DMXL1: variants seen among roughly 807,000 people sequenced by gnomAD.
The protein encoded by DMXL1 is Dmx like 1.
A neutral mutation model predicts 319.2 loss-of-function variants in DMXL1; 99 were observed. The ratio of observed to expected loss-of-function variants is 0.31; its 90% CI spans 0.26 to 0.37. The LOEUF is 0.37. DMXL1 is among the 10% of genes least tolerant of loss of function. The probability of loss-of-function intolerance (pLI) is 1.00; values close to 1 mark genes in which losing one functional copy is unlikely to be tolerated. For synonymous variants in DMXL1, 1,385 were observed against 1,235.2 expected (o/e 1.12, Z -2.54); for missense variants, 3,745 against 3,595.6 (o/e 1.04, Z -1.06).
chr5:119,112,344 G>T (rs923435048), intron 5 of DMXL1, among the ~76,000 whole-genome samples: 7 of 152,230 alleles, frequency 4.6e-5, no homozygotes, highest in African/African-American at 1.4e-4. Flanking sequence ...AGATTGCCAG[G>T]TTTCATTCCT....
intron 35 of DMXL1, among the ~76,000 whole-genome samples, chr5:119,218,134 T>C (rs79755762): frequency 0.11 from 16,762 of 152,040 alleles, 1,205 homozygotes; most frequent in Middle Eastern, 0.23. Flanking sequence ...CCCAACACTT[T>C]GGGAGGCCAA....
chr5:119,219,512 T>C (rs1317744733), intron 35 of DMXL1, among the ~76,000 whole-genome samples: 3 of 152,296 alleles, frequency 2.0e-5, no homozygotes, highest in African/African-American at 7.2e-5. Flanking sequence ...ATTTTCTCTT[T>C]GCTGTCAATA....
At chr5:119,190,086 G>T (rs1778440249) in intron 29 of DMXL1, among the ~76,000 whole-genome samples, 200 bp downstream of exon 29, 1 of 151,914 alleles carries the variant, frequency 6.6e-6, no homozygotes, top group Admixed American at 6.6e-5. Flanking sequence ...GCAGTTTTTT[G>T]GTAAATTATG....
rs201657657 is a variant in DMXL1, at chr5:119,209,366, T to A, written c.7926+2470T>A. Among the ~76,000 whole-genome samples, 686 of 149,508 alleles carry A rather than the reference T, an allele frequency of 4.6e-3. 36 individuals carry two copies. In the East Asian group the frequency reaches 0.098, roughly 21 times the overall value. On this transcript the variant is annotated intron_variant, in intron 34 of 43. Transcript: ENST00000539542. ...CCATTCTATTTTTTTTTTTTTTTTTTAAAAGGCAGGGTCTCACTGTGTCTC... is the reference window on the plus strand; with the variant it reads ...CCATTCTATTTTTTTTTTTTTTTTTAAAAAGGCAGGGTCTCACTGTGTCTC...
intron 1 of DMXL1, among the ~76,000 whole-genome samples, chr5:119,089,292 A>ATATAT (rs1193170456): frequency 2.0e-4 from 8 of 39,882 alleles, no homozygotes; most frequent in Admixed American, 4.7e-4. Context: ...ATATATATAT[A>ATATAT]TTTTTTTTTT....
intron 1 of DMXL1, among the ~76,000 whole-genome samples, chr5:119,076,021 T>C (rs916076819): frequency 6.6e-6 from 1 of 152,214 alleles, no homozygotes; most frequent in African/African-American, 2.4e-5. Context: ...GGTTTATCTA[T>C]ACTTAGGGTT....
intron 40 of DMXL1, among the ~76,000 whole-genome samples, chr5:119,238,528 CA>C (rs1483287816): frequency 6.6e-6 from 1 of 151,886 alleles, no homozygotes; most frequent in African/African-American, 2.4e-5. Flanking sequence ...AAATATATGT[CA>C]ATTATTTAAC....
At chr5:119,246,445 T>G (rs924471179) in intron 43 of DMXL1, among the ~76,000 whole-genome samples, 1 of 152,182 alleles carries the variant, frequency 6.6e-6, no homozygotes, top group African/African-American at 2.4e-5. Flanking sequence ...TTGTTTCTCT[T>G]ACTCTCTTAC....
chr5:119,220,947 G>A lies in DMXL1; in HGVS notation c.8143G>A (p.Asp2715Asn). The change falls in exon 37 of 44, where the codon GAT (aspartate) becomes AAT (asparagine). Residue 2715 changes from aspartate (D) to asparagine (N), a missense_variant. Around this residue, in one of 4 missense-constraint regions of DMXL1, gnomAD observed 1,382 missense variants for 1,269.5 expected, o/e 1.09. Transcript: ENST00000539542. ...DIEVETKGSE[D>N]FLVIHARDDL... ...GTTGACATTCCTTTATAGATCAGAA[G>A]ATTTCTTGGTTATACATGCTCGTGA... 6.2e-7 allele frequency: 1 copy of A among 1,613,002 alleles called. No homozygotes were observed. Among genetic ancestry groups the A allele is most frequent in the Non-Finnish European group, 8.5e-7 (1 of 1,179,514 alleles).
intron 9 of DMXL1, among the ~76,000 whole-genome samples, chr5:119,123,600 A>T (rs911094255): frequency 2.0e-5 from 3 of 152,130 alleles, no homozygotes; most frequent in Admixed American, 6.5e-5. Context: ...TTTATTCAAA[A>T]ATTGATATTT....
chr5:119,156,019 A>G (rs1770969847), intron 19 of DMXL1, among the ~76,000 whole-genome samples: 1 of 152,138 alleles, frequency 6.6e-6, no homozygotes, highest in African/African-American at 2.4e-5. Context: ...GAGAGGACTG[A>G]CTCCAATTTT....
At position 119,102,035 on chromosome 5, in the gene DMXL1, G is replaced by T. The variant is rs78833402; in HGVS notation, c.285+29G>T. The T allele has an allele frequency of 7.1e-6, 10 of 1,399,108 alleles. No individual in the cohort carries two copies. In the Admixed American group the frequency reaches 7.3e-5, roughly 10 times the overall value. The allele number at this position is 1,399,108 out of a possible 1,614,324, so 86.7% of individuals were successfully genotyped here. A position where few individuals can be genotyped will look rare whatever the true frequency, so the allele number is the denominator to read the frequency against. ...AGTAATTTATGATTTCTTCTTTTAG[G>T]AATTGAAATGTTTTAAGTATTGAAA... On this transcript the variant is annotated intron_variant, in intron 3 of 43. Transcript: ENST00000539542.
rs1450295165 is a variant in DMXL1 at position 119,118,720 on chromosome 5, G to A, written c.744-95G>A. On this transcript the variant is annotated intron_variant, in intron 7 of 43. Transcript: ENST00000539542. ...TGATATTTTCTTCATTGGTACCTTA[G>A]TTGGTACATTTAAGTAATTACAGAA... 1.9e-5 allele frequency: 17 copies of A among 904,436 alleles called. No homozygotes were observed. In the East Asian group the frequency reaches 3.5e-4, roughly 19 times the overall value. The allele number at this position is 904,436 out of a possible 1,614,324, so 56.0% of individuals were successfully genotyped here. A position where few individuals can be genotyped will look rare whatever the true frequency, so the allele number is the denominator to read the frequency against.
At chr5:119,127,579 C>A (rs1483753882) in intron 9 of DMXL1, among the ~76,000 whole-genome samples, 3 of 152,162 alleles carry the variant, frequency 2.0e-5, no homozygotes, top group Non-Finnish European at 4.4e-5. Context: ...ATTGGGATTA[C>A]AGGCACATGC....
chr5:119,086,331 G>C (rs1753358698), intron 1 of DMXL1, among the ~76,000 whole-genome samples: 1 of 152,126 alleles, frequency 6.6e-6, no homozygotes, highest in Non-Finnish European at 1.5e-5. Flanking sequence ...ATGAGATTTG[G>C]GTGGGGACAC....
In DMXL1 at chr5:119,154,424, T is replaced by C. The variant is rs138007276; in HGVS notation, c.4702+2388T>C. 7.2e-4 allele frequency among the ~76,000 whole-genome samples: 109 copies of C among 152,368 alleles called. No homozygotes were observed. The East Asian group carries it at 0.018, about 26-fold the overall frequency. On this transcript the variant is annotated intron_variant, in intron 19 of 43. Transcript: ENST00000539542. The stretch of plus-strand genomic sequence containing the variant: ...GAAAGCAAGGTAGCCTTATTGCTTA[T>C]GTGGAGAAAGTTTGAGTGGTCTAGA...
intron 19 of DMXL1, among the ~76,000 whole-genome samples, chr5:119,157,561 C>T (rs898194187): frequency 2.6e-5 from 4 of 152,170 alleles, no homozygotes; most frequent in Non-Finnish European, 4.4e-5. Context: ...TTTCCCAGCA[C>T]CATTTTTTGA....
At chr5:119,232,405 A>G (rs1251449775) in intron 38 of DMXL1, among the ~76,000 whole-genome samples, 9 of 152,142 alleles carry the variant, frequency 5.9e-5, no homozygotes, top group Admixed American at 3.3e-4. Flanking sequence ...CAAGTGCTAG[A>G]TGTTTTATAT....
chr5:119,082,974 G>C (rs768428329), intron 1 of DMXL1, among the ~76,000 whole-genome samples: 1 of 152,100 alleles, frequency 6.6e-6, no homozygotes, highest in Non-Finnish European at 1.5e-5. Flanking sequence ...GTCTTTCTGA[G>C]CTTGGCTTAT....
Sources: gnomAD v4.1 joint callset for allele counts (sites outside exome capture counted in the v4.1 genomes callset) on GRCh38, gnomAD v4.1.1 for gene constraint, gnomAD v4.1.1 regional missense constraint, MANE v1.5 for transcripts, NCBI Gene and HGNC (gene_info 2026-07-23, HGNC 2026-07-21) for gene names.